CCDC148: variants seen among roughly 807,000 people sequenced by gnomAD.
The protein encoded by CCDC148 is coiled-coil domain containing 148.
CCDC148 carries 89 observed loss-of-function variants against 85.7 expected under a neutral mutation model. That is an observed-to-expected ratio of 1.04 (90% confidence interval 0.87 to 1.24). CCDC148 has a LOEUF of 1.24. Among genes scored for constraint, CCDC148 ranks in the 50% most tolerant of loss-of-function variants. The probability of loss-of-function intolerance (pLI) is 0.00; values close to 1 mark genes in which losing one functional copy is unlikely to be tolerated. For missense variants in CCDC148, 692 were observed against 671.7 expected, an observed-to-expected ratio of 1.03 and a Z score of -0.33; for synonymous variants, 230 against 213.9, an observed-to-expected ratio of 1.08 and a Z score of -0.66.
chr2:158,310,694 C>T (rs969773579), intron 8 of CCDC148, among the ~76,000 whole-genome samples: 16 of 147,040 alleles, frequency 1.1e-4, no homozygotes, highest in African/African-American at 3.3e-4. Flanking sequence ...GGGTGGCGGC[C>T]GGGCAGAGAC....
chr2:158,449,296 A>C (rs1187549926), intron 1 of CCDC148, among the ~76,000 whole-genome samples: 1 of 152,100 alleles, frequency 6.6e-6, no homozygotes, highest in Non-Finnish European at 1.5e-5. Flanking sequence ...AGACAGCTTT[A>C]ATTTTTCCTT....
chr2:158,176,696 G>A (rs767532217), intron 12 of CCDC148, 35 bp from the exon 13 acceptor site: 2 of 1,607,216 alleles, frequency 1.2e-6, no homozygotes, highest in Admixed American at 3.4e-5. Flanking sequence ...TTGGAACAAG[G>A]TACAAACTAA....
chr2:158,253,660 T>C (rs950140079), intron 9 of CCDC148, among the ~76,000 whole-genome samples: 1 of 151,578 alleles, frequency 6.6e-6, no homozygotes, highest in African/African-American at 2.4e-5. Flanking sequence ...TCCTTCAAAA[T>C]GAATATTTTA....
At chr2:158,283,341 C>T (rs1428371234) in intron 9 of CCDC148, among the ~76,000 whole-genome samples, 1 of 152,142 alleles carries the variant, frequency 6.6e-6, no homozygotes, top group Non-Finnish European at 1.5e-5. Flanking sequence ...AGTGAACAGG[C>T]AACCTACAAC....
intron 1 of CCDC148, among the ~76,000 whole-genome samples, chr2:158,422,024 C>T (rs558648418): frequency 3.3e-5 from 5 of 152,176 alleles, no homozygotes; most frequent in South Asian, 4.2e-4. Context: ...ATACAACCTC[C>T]GAAGACTAAA....
At chr2:158,236,945 A>T (rs1688134587) in intron 10 of CCDC148, among the ~76,000 whole-genome samples, 1 of 152,130 alleles carries the variant, frequency 6.6e-6, no homozygotes, top group Non-Finnish European at 1.5e-5. Flanking sequence ...AGTGCTAAGG[A>T]AAAAATGAAG....
intron 1 of CCDC148, chr2:158,393,202 A>G (rs1248949098): frequency 6.6e-6 from 1 of 152,146 alleles, no homozygotes; most frequent in Non-Finnish European, 1.5e-5. Flanking sequence ...GGATGGATGT[A>G]TACATGAAAC....
intron 1 of CCDC148, among the ~76,000 whole-genome samples, chr2:158,372,120 T>TG (rs1452766145): frequency 6.6e-6 from 1 of 152,032 alleles, no homozygotes; most frequent in Non-Finnish European, 1.5e-5. Flanking sequence ...GTAACTGCAG[T>TG]GGAGCCTCTC....
rs370206083 is a variant in CCDC148, at chr2:158,255,269, C to T, written c.1111-4357G>A. ...TTTACCTGAAGTCAATAATTCACAG[C>T]ATTATTTCTAATTATAATGGTACCA... On this transcript the variant is annotated intron_variant, in intron 9 of 13. Transcript: ENST00000283233. Among the ~76,000 whole-genome samples, 3 of 150,818 alleles carry T rather than the reference C, an allele frequency of 2.0e-5. No homozygotes were observed. The East Asian group carries it at 5.8e-4, about 29-fold the overall frequency.
chr2:158,361,996 CAAAA>C (rs201419924), intron 1 of CCDC148, among the ~76,000 whole-genome samples: 6 of 110,000 alleles, frequency 5.5e-5, no homozygotes, highest in East Asian at 4.9e-4. Flanking sequence ...AATGGAAAGC[CAAAA>C]AAAAAAAAAA....
chr2:158,444,069 T>C (rs915653333), intron 1 of CCDC148, among the ~76,000 whole-genome samples: 26 of 152,250 alleles, frequency 1.7e-4, no homozygotes, highest in African/African-American at 5.8e-4. Flanking sequence ...TCAGATAAAG[T>C]AGTCATTTTT....
intron 11 of CCDC148, among the ~76,000 whole-genome samples, chr2:158,190,251 A>T (rs1156613524): frequency 6.6e-6 from 1 of 152,024 alleles, no homozygotes; most frequent in African/African-American, 2.4e-5. Context: ...TTGGAGGGAC[A>T]GCACAGGCAG....
intron 11 of CCDC148, among the ~76,000 whole-genome samples, chr2:158,216,487 C>T (rs1390465247): frequency 2.0e-5 from 3 of 148,928 alleles, no homozygotes; most frequent in African/African-American, 7.5e-5. Context: ...ACCTCCGCCT[C>T]CTGGGTTCAA....
chr2:158,380,794 A>G (rs1316935978), intron 1 of CCDC148: 3 of 152,156 alleles, frequency 2.0e-5, no homozygotes, highest in African/African-American at 7.2e-5. Context: ...CAGTATAAAG[A>G]GCCTCAAGAA....
intron 9 of CCDC148, among the ~76,000 whole-genome samples, chr2:158,284,560 G>A (rs1016597380): frequency 6.6e-6 from 1 of 152,110 alleles, no homozygotes; most frequent in African/African-American, 2.4e-5. Flanking sequence ...AGATCATGAA[G>A]GAATCTGAGT....
intron 2 of CCDC148, among the ~76,000 whole-genome samples, chr2:158,351,887 G>T (rs1413368765): frequency 3.3e-5 from 5 of 149,690 alleles, no homozygotes; most frequent in Admixed American, 3.3e-4. Flanking sequence ...CTGAGAACGG[G>T]CAGACTGCCT....
chr2:158,226,326 C>G (rs1394227404), intron 10 of CCDC148, among the ~76,000 whole-genome samples: 2 of 152,074 alleles, frequency 1.3e-5, no homozygotes, highest in Admixed American at 6.5e-5. Context: ...GCTTACCAAC[C>G]AAAAAAAGTC....
chr2:158,397,478 A>G (rs1407658046), intron 1 of CCDC148, among the ~76,000 whole-genome samples: 2 of 152,168 alleles, frequency 1.3e-5, no homozygotes, highest in Non-Finnish European at 2.9e-5. Context: ...AATATTCAAC[A>G]TCCTTAAAGA....
chr2:158,406,620 T>TTTCTGTTTTTTTTTTTTTTTTTG (rs1203346762), intron 1 of CCDC148, among the ~76,000 whole-genome samples: 1 of 98,408 alleles, frequency 1.0e-5, no homozygotes, highest in Non-Finnish European at 2.2e-5. Flanking sequence ...TTTCTTTTTT[T>TTTCTGTTTTTTTTTTTTTTTTTG]TTTTTTTTTT....
Sources: gnomAD v4.1 joint callset for allele counts (sites outside exome capture counted in the v4.1 genomes callset) on GRCh38, gnomAD v4.1.1 for gene constraint, MANE v1.5 for transcripts, NCBI Gene and HGNC (gene_info 2026-07-23, HGNC 2026-07-21) for gene names.